Variants in SORCS2 observed in about 807,000 individuals in gnomAD.
SORCS2 encodes the protein sortilin related VPS10 domain containing receptor 2, also known as VPS10 domain-containing receptor SorCS2.
SORCS2 carries 100 observed loss-of-function variants against 141.6 expected under a neutral mutation model. The ratio of observed to expected loss-of-function variants is 0.71; its 90% CI spans 0.60 to 0.83. The LOEUF is 0.83. Among genes scored for constraint, SORCS2 ranks in the 40% least tolerant of loss-of-function variants. SORCS2 has a pLI of 0.00. For missense variants in SORCS2, 1,646 were observed against 1,560.2 expected (o/e 1.05, Z -0.93); for synonymous variants, 789 against 676.9 (o/e 1.17, Z -2.57).
Position 7,726,891 on chromosome 4 carries a change from C to G in SORCS2, c.2857C>G (p.Leu953Val). The change falls in exon 21 of 27, where the codon CTC (leucine) becomes GTC (valine). Residue 953 changes from leucine (L) to valine (V), a missense_variant. Coordinates refer to ENST00000507866, the MANE Select transcript of SORCS2 (RefSeq NM_020777.3). ...GNSVLQDSRV[L>V]RVLDQFQVMP... ...CTCGGTGCTGCAGGACTCCAGGGTC[C>G]TCCGTGTGCTGGGTAAGTACTTCCT... 1 of 1,613,308 alleles carries G rather than the reference C, an allele frequency of 6.2e-7. No homozygotes were observed. The highest frequency in any genetic ancestry group is 8.5e-7 in the Non-Finnish European group (1 of 1,179,480).
intron 1 of SORCS2, among the ~76,000 whole-genome samples, chr4:7,294,670 T>TCTTCCTCTC (rs1202737882): frequency 2.1e-4 from 8 of 37,686 alleles, no homozygotes; most frequent in African/African-American, 1.1e-3. Flanking sequence ...TTCCTCTCCC[T>TCTTCCTCTC]CCTCCTCCTC....
intron 3 of SORCS2, among the ~76,000 whole-genome samples, chr4:7,615,148 C>CTCAA (rs538456196): frequency 2.6e-5 from 4 of 152,208 alleles, no homozygotes; most frequent in African/African-American, 9.7e-5. Flanking sequence ...CATCCATTCA[C>CTCAA]TCATTCATTC....
intron 3 of SORCS2, among the ~76,000 whole-genome samples, chr4:7,554,142 T>G (rs939215841): frequency 6.6e-6 from 1 of 152,086 alleles, no homozygotes; most frequent in African/African-American, 2.4e-5. Flanking sequence ...ATTCCTTGCC[T>G]TGATCTCCTA....
At chr4:7,204,605 A>G (rs1727636639) in intron 1 of SORCS2, among the ~76,000 whole-genome samples, 1 of 152,228 alleles carries the variant, frequency 6.6e-6, no homozygotes, top group Non-Finnish European at 1.5e-5. Context: ...CTTGCCGGTC[A>G]GTAGCACAAT....
chr4:7,535,446 G>A (rs1712041417), intron 3 of SORCS2, among the ~76,000 whole-genome samples: 1 of 152,194 alleles, frequency 6.6e-6, no homozygotes, highest in African/African-American at 2.4e-5. Flanking sequence ...TCTGAGTCTG[G>A]CCCTGTAGCC....
At chr4:7,476,347 G>A (rs895199476) in intron 2 of SORCS2, among the ~76,000 whole-genome samples, 1 of 152,168 alleles carries the variant, frequency 6.6e-6, no homozygotes, top group African/African-American at 2.4e-5. Context: ...ACTGAGGCAG[G>A]AGTGGGTGCA....
intron 1 of SORCS2, among the ~76,000 whole-genome samples, chr4:7,254,807 A>C (rs1414306753): frequency 6.6e-6 from 1 of 152,056 alleles, no homozygotes; most frequent in African/African-American, 2.4e-5. Flanking sequence ...AATAACAGTG[A>C]CTGTGCAGTG....
chr4:7,590,098 C>T (rs190067616), intron 3 of SORCS2, among the ~76,000 whole-genome samples: 2 of 152,252 alleles, frequency 1.3e-5, no homozygotes, highest in Non-Finnish European at 2.9e-5. Context: ...AAACCCGAGT[C>T]GAATAAGAGA....
chr4:7,382,160 C>G (rs570505144), intron 1 of SORCS2, among the ~76,000 whole-genome samples: 5 of 152,206 alleles, frequency 3.3e-5, no homozygotes, highest in Admixed American at 1.3e-4. Context: ...GTGGGGTGAG[C>G]CAGCCCTCAG....
intron 1 of SORCS2, among the ~76,000 whole-genome samples, chr4:7,298,659 C>T (rs183790456): frequency 5.8e-4 from 89 of 152,298 alleles, no homozygotes; most frequent in African/African-American, 1.9e-3. Context: ...CTGCAGCAGC[C>T]ATGCCGCTGG....
At chr4:7,299,633 G>A (rs755625140) in intron 1 of SORCS2, among the ~76,000 whole-genome samples, 2 of 152,198 alleles carry the variant, frequency 1.3e-5, no homozygotes, top group African/African-American at 4.8e-5. Flanking sequence ...AAGGGAGCAC[G>A]TCTCATCCCT....
chr4:7,274,268 G>A (rs555949326), intron 1 of SORCS2, among the ~76,000 whole-genome samples: 7 of 152,358 alleles, frequency 4.6e-5, no homozygotes, highest in African/African-American at 1.4e-4. Context: ...GCACTGGTTT[G>A]GAATTGTTGG....
At chr4:7,530,755 G>T (rs183338142) in intron 2 of SORCS2, among the ~76,000 whole-genome samples, 6 of 152,360 alleles carry the variant, frequency 3.9e-5, no homozygotes, top group Non-Finnish European at 2.9e-5. Flanking sequence ...TTGCCTTTGT[G>T]GCTTATCTCC....
At chr4:7,535,328 C>A (rs974663284) in intron 3 of SORCS2, among the ~76,000 whole-genome samples, 1 of 152,156 alleles carries the variant, frequency 6.6e-6, no homozygotes, top group Non-Finnish European at 1.5e-5. Context: ...AGTTACGGTG[C>A]GGGGCCAGGA....
At chr4:7,586,136 C>T (rs1171857176) in intron 3 of SORCS2, among the ~76,000 whole-genome samples, 39 of 152,174 alleles carry the variant, frequency 2.6e-4, no homozygotes, top group Admixed American at 2.0e-3. Flanking sequence ...CTGTTGGGAA[C>T]GCCTATGATT....
intron 4 of SORCS2, among the ~76,000 whole-genome samples, chr4:7,651,535 T>G (rs1176170925): frequency 1.3e-5 from 2 of 152,188 alleles, no homozygotes; most frequent in African/African-American, 2.4e-5. Flanking sequence ...GCCAGACCCC[T>G]GTTGACTCCA....
chr4:7,733,642 G>A (rs1040175079), intron 24 of SORCS2, among the ~76,000 whole-genome samples: 4 of 152,192 alleles, frequency 2.6e-5, no homozygotes, highest in African/African-American at 4.8e-5. Flanking sequence ...CCCACGCTTC[G>A]GGTCTCGGAT....
intron 1 of SORCS2, among the ~76,000 whole-genome samples, chr4:7,380,663 CG>C (rs1234040971): frequency 6.6e-6 from 1 of 152,228 alleles, no homozygotes; most frequent in Non-Finnish European, 1.5e-5. Context: ...AAAGTCAGGG[CG>C]GGGCGTAGGC....
chr4:7,655,055 T>C (rs962775903), intron 5 of SORCS2, among the ~76,000 whole-genome samples: 1 of 152,136 alleles, frequency 6.6e-6, no homozygotes, highest in Non-Finnish European at 1.5e-5. Context: ...GGCAGCAGCA[T>C]GGGGCCAGGA....
Sources: allele counts gnomAD v4.1 joint callset (sites outside exome capture counted in the v4.1 genomes callset), GRCh38; gene constraint gnomAD v4.1.1; transcripts MANE v1.5; gene names NCBI Gene and HGNC (gene_info 2026-07-23, HGNC 2026-07-21).